The following TMEM132D variants were observed in gnomAD, a reference collection of about 807,000 sequenced individuals.
TMEM132D encodes the protein transmembrane protein 132D.
A neutral mutation model predicts 62.3 loss-of-function variants in TMEM132D; 21 were observed. The ratio of observed to expected loss-of-function variants is 0.34; its 90% CI spans 0.24 to 0.49. The LOEUF (loss-of-function observed/expected upper bound fraction) is 0.49, where lower values mean the gene tolerates loss of function less well. Among genes scored for constraint, TMEM132D ranks in the 20% least tolerant of loss-of-function variants. The pLI, the probability that TMEM132D is intolerant of heterozygous loss-of-function variation, is 0.99. For missense variants in TMEM132D, 1,346 were observed against 1,402.8 expected, an observed-to-expected ratio of 0.96 and a Z score of 0.65; for synonymous variants, 621 against 575.6, an observed-to-expected ratio of 1.08 and a Z score of -1.13.
intron 1 of TMEM132D, among the ~76,000 whole-genome samples, chr12:129,820,980 C>T (rs1872527626): frequency 6.6e-6 from 1 of 152,210 alleles, no homozygotes; most frequent in South Asian, 2.1e-4. Flanking sequence ...GATTATATGT[C>T]AGCCTCTCTG....
intron 1 of TMEM132D, among the ~76,000 whole-genome samples, chr12:129,897,503 C>T (rs1211700563): frequency 6.6e-6 from 1 of 152,034 alleles, no homozygotes; most frequent in African/African-American, 2.4e-5. Flanking sequence ...GAAGACAGTC[C>T]ACTGGGCATG....
At chr12:129,311,006 G>A (rs1323340341) in intron 4 of TMEM132D, among the ~76,000 whole-genome samples, 2 of 96,070 alleles carry the variant, frequency 2.1e-5, no homozygotes, top group Non-Finnish European at 3.8e-5. Flanking sequence ...AGACCATCCT[G>A]GCTAACACGG....
intron 1 of TMEM132D, among the ~76,000 whole-genome samples, chr12:129,712,609 A>C (rs1868410585): frequency 6.6e-6 from 1 of 152,202 alleles, no homozygotes; most frequent in Admixed American, 6.5e-5. Context: ...CTGGGCACTG[A>C]AAGTATGGCT....
intron 1 of TMEM132D, among the ~76,000 whole-genome samples, chr12:129,706,159 T>C (rs1254880259): frequency 6.6e-6 from 1 of 151,988 alleles, no homozygotes. Flanking sequence ...TATAAGTGGC[T>C]TAGATTATTC....
chr12:129,565,336 G>A lies in TMEM132D; in HGVS notation c.969-34131C>T, dbSNP rs185944511. On this transcript the variant is annotated intron_variant, in intron 2 of 8. Coordinates refer to ENST00000422113, the MANE Select transcript of TMEM132D (RefSeq NM_133448.3). ...AGCAGGGACTTGAGATAGAGGCAGG[G>A]ACTTAAAGAAAGAGTTTGACCCAAT... Among the ~76,000 whole-genome samples the A allele has an allele frequency of 1.2e-3, 176 of 152,284 alleles. 1 individual carries two copies. The highest frequency in any genetic ancestry group is 4.1e-3 in the African/African-American group (170 of 41,558).
At chr12:129,897,419 C>G (rs1875178682) in intron 1 of TMEM132D, among the ~76,000 whole-genome samples, 1 of 152,060 alleles carries the variant, frequency 6.6e-6, no homozygotes, top group African/African-American at 2.4e-5. Context: ...TCCTGGAAGA[C>G]CAGAGGCCAT....
At position 129,700,124 on chromosome 12, in the gene TMEM132D, C is replaced by T. The variant is rs2137226169; in HGVS notation, c.654G>A (p.Gln218=). The T allele has an allele frequency of 6.2e-7, 1 of 1,613,336 alleles. No homozygotes were observed. The highest frequency in any genetic ancestry group is 1.3e-5 in the African/African-American group (1 of 75,040). ...VVAGRRKSVD[Q]PEGTPVELYY... ...AGAGCTCCACGGGGGTCCCCTCCGG[C>T]TGGTCCACGGACTTCCTCCTCCCGG... The change falls in exon 2 of 9, where the codon CAG becomes CAA. Residue 218 remains glutamine, a synonymous_variant. Transcript: ENST00000422113.
At chr12:129,422,614 G>A (rs1465293362) in intron 3 of TMEM132D, among the ~76,000 whole-genome samples, 2 of 152,136 alleles carry the variant, frequency 1.3e-5, no homozygotes, top group Non-Finnish European at 2.9e-5. Flanking sequence ...TTAACTTTCT[G>A]GAAATTAATC....
chr12:129,221,769 T>C (rs1473017174), intron 4 of TMEM132D, among the ~76,000 whole-genome samples: 1 of 152,154 alleles, frequency 6.6e-6, no homozygotes, highest in East Asian at 1.9e-4. Flanking sequence ...CTTTTGCTTG[T>C]TTGGCCAAAC....
At chr12:129,506,164 A>G (rs1875323380) in intron 3 of TMEM132D, among the ~76,000 whole-genome samples, 1 of 152,114 alleles carries the variant, frequency 6.6e-6, no homozygotes, top group African/African-American at 2.4e-5. Context: ...ATGTGTTTTC[A>G]GGCTTTGTTT....
chr12:129,332,750 A>G (rs1379459188), intron 4 of TMEM132D, among the ~76,000 whole-genome samples: 1 of 152,190 alleles, frequency 6.6e-6, no homozygotes, highest in Non-Finnish European at 1.5e-5. Flanking sequence ...AAAAAGTCTG[A>G]CCAGCAAAGT....
At chr12:129,175,438 T>G (rs1877876935) in intron 5 of TMEM132D, among the ~76,000 whole-genome samples, 1 of 152,232 alleles carries the variant, frequency 6.6e-6, no homozygotes, top group African/African-American at 2.4e-5. Flanking sequence ...TTTCCTTATT[T>G]GTATTACAAA....
At chr12:129,880,959 T>C (rs1433616430) in intron 1 of TMEM132D, among the ~76,000 whole-genome samples, 2 of 152,062 alleles carry the variant, frequency 1.3e-5, no homozygotes, top group Non-Finnish European at 2.9e-5. Context: ...GTAACGCCCA[T>C]TTACACGCTG....
chr12:129,101,116 G>A (rs1032789539), intron 5 of TMEM132D, among the ~76,000 whole-genome samples: 11 of 152,016 alleles, frequency 7.2e-5, no homozygotes, highest in Admixed American at 2.0e-4. Flanking sequence ...GGCACCAGTT[G>A]ATGGCAGGGG....
At chr12:129,285,892 T>C (rs370703865) in intron 4 of TMEM132D, among the ~76,000 whole-genome samples, 1 of 152,318 alleles carries the variant, frequency 6.6e-6, no homozygotes, top group East Asian at 1.9e-4. Context: ...AGTCTTCCAA[T>C]CTAGATTTGC....
At chr12:129,566,612 T>C (rs963714390) in intron 2 of TMEM132D, among the ~76,000 whole-genome samples, 1 of 152,182 alleles carries the variant, frequency 6.6e-6, no homozygotes, top group Non-Finnish European at 1.5e-5. Context: ...CCCACTAATA[T>C]ATTTCTTGAC....
chr12:129,574,382 C>G (rs1164253637), intron 2 of TMEM132D, among the ~76,000 whole-genome samples: 1 of 151,860 alleles, frequency 6.6e-6, no homozygotes, highest in Non-Finnish European at 1.5e-5. Context: ...TGGGTTTCCT[C>G]TATTCTGAAT....
At chr12:129,647,121 C>CATACATATATAT (rs968615665) in intron 2 of TMEM132D, among the ~76,000 whole-genome samples, 1 of 146,400 alleles carries the variant, frequency 6.8e-6, no homozygotes, top group Non-Finnish European at 1.5e-5. Flanking sequence ...TACATACATA[C>CATACATATATAT]ATATATATAT....
chr12:129,380,019 G>C (rs1305548867), intron 3 of TMEM132D, among the ~76,000 whole-genome samples: 1 of 152,130 alleles, frequency 6.6e-6, no homozygotes, highest in African/African-American at 2.4e-5. Flanking sequence ...GATTCTAAAT[G>C]AGTCTAAAAG....
Sources: gnomAD v4.1 joint callset for allele counts (sites outside exome capture counted in the v4.1 genomes callset) on GRCh38, gnomAD v4.1.1 for gene constraint, MANE v1.5 for transcripts, NCBI Gene and HGNC (gene_info 2026-07-23, HGNC 2026-07-21) for gene names.